Variants in CCSER1 observed in about 807,000 individuals in gnomAD.
The protein encoded by CCSER1 is coiled-coil serine rich protein 1, also known as serine-rich coiled-coil domain-containing protein 1.
CCSER1 carries 41 observed loss-of-function variants against 82.0 expected under a neutral mutation model. The observed-to-expected ratio is 0.50, with a 90% CI of 0.39 to 0.65. The LOEUF (loss-of-function observed/expected upper bound fraction) is 0.65. Among genes scored for constraint, CCSER1 ranks in the 30% least tolerant of loss-of-function variants. The probability of loss-of-function intolerance (pLI) is 0.00; values close to 1 mark genes in which losing one functional copy is unlikely to be tolerated. For synonymous variants in CCSER1, 414 were observed against 383.9 expected (o/e 1.08, Z -0.92); for missense variants, 1,119 against 1,064.2 (o/e 1.05, Z -0.72).
At chr4:90,738,005 T>C (rs1485424622) in intron 7 of CCSER1, among the ~76,000 whole-genome samples, 1 of 152,220 alleles carries the variant, frequency 6.6e-6, no homozygotes. Context: ...CCCTTTGTTA[T>C]CTTGAATTTC....
chr4:91,170,198 G>T (rs905771537), intron 10 of CCSER1, among the ~76,000 whole-genome samples: 2 of 152,010 alleles, frequency 1.3e-5, no homozygotes, highest in Non-Finnish European at 2.9e-5. Flanking sequence ...TTATGTAAGA[G>T]AAAAAAATAC....
chr4:90,508,330 A>C (rs928325341), intron 5 of CCSER1, among the ~76,000 whole-genome samples: 4 of 152,052 alleles, frequency 2.6e-5, no homozygotes, highest in Admixed American at 6.6e-5. Context: ...GTCCTTCAAC[A>C]ATCTGGTTTA....
chr4:91,464,573 A>C (rs990167162), intron 10 of CCSER1, among the ~76,000 whole-genome samples: 10 of 152,174 alleles, frequency 6.6e-5, no homozygotes, highest in Non-Finnish European at 2.9e-5. Flanking sequence ...CAGATAAAGA[A>C]TCAAGACCCA....
intron 9 of CCSER1, among the ~76,000 whole-genome samples, chr4:90,973,027 A>G (rs1735267769): frequency 6.6e-6 from 1 of 151,922 alleles, no homozygotes; most frequent in African/African-American, 2.4e-5. Context: ...AGTGGATTAA[A>G]TACTTAGACA....
chr4:91,227,531 A>C (rs1738298376), intron 10 of CCSER1, among the ~76,000 whole-genome samples: 1 of 151,518 alleles, frequency 6.6e-6, no homozygotes, highest in Admixed American at 6.6e-5. Context: ...ATTTTTTTTT[A>C]GATTCATGGG....
At chr4:91,330,487 A>G (rs563813817) in intron 10 of CCSER1, among the ~76,000 whole-genome samples, 86 of 109,844 alleles carry the variant, frequency 7.8e-4, no homozygotes, top group African/African-American at 3.2e-3. Context: ...AACTAACAGT[A>G]ATTTCTCTTA....
At chr4:90,557,861 T>C (rs1040271153) in intron 5 of CCSER1, among the ~76,000 whole-genome samples, 3 of 152,144 alleles carry the variant, frequency 2.0e-5, no homozygotes, top group African/African-American at 7.2e-5. Flanking sequence ...TAATGTGTTT[T>C]TATTGTATAA....
intron 4 of CCSER1, among the ~76,000 whole-genome samples, chr4:90,427,072 A>G (rs1355010616): frequency 6.6e-6 from 1 of 152,056 alleles, no homozygotes; most frequent in Non-Finnish European, 1.5e-5. Flanking sequence ...TTCTAACCAG[A>G]TAGTAGCCAA....
At chr4:90,175,392 A>G (rs941283726) in intron 1 of CCSER1, among the ~76,000 whole-genome samples, 2 of 152,014 alleles carry the variant, frequency 1.3e-5, no homozygotes, top group African/African-American at 4.8e-5. Flanking sequence ...GAGAAATTAA[A>G]TAAAGAATTG....
intron 10 of CCSER1, among the ~76,000 whole-genome samples, chr4:91,357,754 T>A (rs1042515205): frequency 2.6e-5 from 4 of 151,950 alleles, no homozygotes; most frequent in Non-Finnish European, 5.9e-5. Flanking sequence ...TCGCCGACAA[T>A]TTTTCAACAT....
chr4:91,496,564 G>GTGTA (rs1553946156), intron 10 of CCSER1, among the ~76,000 whole-genome samples: 6 of 17,632 alleles, frequency 3.4e-4, no homozygotes, highest in African/African-American at 8.2e-4. Context: ...CATAAATCTT[G>GTGTA]TATATATATA....
chr4:90,814,121 TG>T (rs761007311), intron 7 of CCSER1, among the ~76,000 whole-genome samples: 7 of 152,182 alleles, frequency 4.6e-5, no homozygotes, highest in Non-Finnish European at 8.8e-5. Flanking sequence ...CACCAATGCT[TG>T]GGGCTTGTAC....
chr4:91,490,821 C>T (rs2110068440), intron 10 of CCSER1, among the ~76,000 whole-genome samples: 1 of 115,262 alleles, frequency 8.7e-6, no homozygotes, highest in South Asian at 2.9e-4. Context: ...CCCATTTACC[C>T]TGATATGATG....
At chr4:91,448,076 C>T (rs1755669883) in intron 10 of CCSER1, among the ~76,000 whole-genome samples, 1 of 152,040 alleles carries the variant, frequency 6.6e-6, no homozygotes, top group Non-Finnish European at 1.5e-5. Context: ...AATGATCTAC[C>T]TGAGGATAAA....
intron 10 of CCSER1, among the ~76,000 whole-genome samples, chr4:91,509,798 GA>G (rs1759723246): frequency 6.6e-6 from 1 of 152,022 alleles, no homozygotes; most frequent in African/African-American, 2.4e-5. Context: ...ATAATTAATA[GA>G]ATATAGATGA....
chr4:91,042,473 A>C (rs144231339), intron 9 of CCSER1, among the ~76,000 whole-genome samples: 4 of 152,288 alleles, frequency 2.6e-5, no homozygotes, highest in Non-Finnish European at 4.4e-5. Context: ...TGCTTTTACA[A>C]AGTATTTTTT....
At chr4:91,181,076 C>T (rs1733982767) in intron 10 of CCSER1, among the ~76,000 whole-genome samples, 1 of 152,246 alleles carries the variant, frequency 6.6e-6, no homozygotes. Context: ...CATAAACCCA[C>T]AGTCTTCCAG....
At chr4:90,726,144 T>C (rs1309555807) in intron 7 of CCSER1, among the ~76,000 whole-genome samples, 1 of 151,960 alleles carries the variant, frequency 6.6e-6, no homozygotes, top group African/African-American at 2.4e-5. Context: ...AAGAAATGTA[T>C]TTACTCCACT....
At chr4:90,626,336 G>T (rs1723258643) in intron 5 of CCSER1, among the ~76,000 whole-genome samples, 1 of 151,966 alleles carries the variant, frequency 6.6e-6, no homozygotes, top group South Asian at 2.1e-4. Flanking sequence ...TATAACTAAA[G>T]TACTACTCTA....
Sources: allele counts gnomAD v4.1 joint callset (sites outside exome capture counted in the v4.1 genomes callset), GRCh38; gene constraint gnomAD v4.1.1; transcripts MANE v1.5; gene names NCBI Gene and HGNC (gene_info 2026-07-23, HGNC 2026-07-21).